The following OTOG variants were observed in gnomAD, a reference collection of about 807,000 sequenced individuals.
The protein encoded by OTOG is otogelin.
Under a neutral mutation model 313.8 loss-of-function variants are expected in OTOG, and 296 were observed. That is an observed-to-expected ratio of 0.94 (90% CI 0.86 to 1.04). The LOEUF is 1.04. Ranked by LOEUF, OTOG falls within the 50% of genes least tolerant of loss-of-function variation. The probability of loss-of-function intolerance (pLI) is 0.00; values close to 1 mark genes in which losing one functional copy is unlikely to be tolerated. For missense variants in OTOG, 3,948 were observed against 3,840.1 expected, an observed-to-expected ratio of 1.03 and a Z score of -0.74; for synonymous variants, 1,533 against 1,554.9, an observed-to-expected ratio of 0.99 and a Z score of 0.33.
In OTOG at chr11:17,576,599, G is replaced by A. The variant is rs867715728; in HGVS notation, c.2530G>A (p.Gly844Arg). Reference protein sequence around the residue: ...CHFQGVDYPPGDSDIPSLGHC... With the variant: ...CHFQGVDYPPRDSDIPSLGHC... Reference sequence around the variant, plus strand: ...CTTCCAGGGAGTGGACTATCCCCCCGGAGACAGTGACATCCCATCCCTGGG... The same window carrying A: ...CTTCCAGGGAGTGGACTATCCCCCCAGAGACAGTGACATCCCATCCCTGGG... Residue 844 changes from glycine to arginine, a missense_variant, in exon 21 of 56, where the codon GGA becomes AGA. Transcript: ENST00000399397. The A allele has an allele frequency of 2.2e-5, 34 of 1,550,376 alleles. No individual in the cohort carries two copies. The highest frequency in any genetic ancestry group is 7.8e-5 in the Admixed American group (4 of 50,976).
At chr11:17,571,148 C>G (rs939500655) in intron 17 of OTOG, among the ~76,000 whole-genome samples, 1 of 152,188 alleles carries the variant, frequency 6.6e-6, no homozygotes, top group Non-Finnish European at 1.5e-5. Flanking sequence ...AGAACAAGAA[C>G]AAAATAAAGC....
intron 31 of OTOG, among the ~76,000 whole-genome samples, chr11:17,600,673 A>G (rs1353630121): frequency 6.6e-6 from 1 of 152,166 alleles, no homozygotes; most frequent in Non-Finnish European, 1.5e-5. Context: ...ACAGCCCCAG[A>G]CCTTCAATTG....
chr11:17,550,481 G>C (rs2214944), intron 3 of OTOG, among the ~76,000 whole-genome samples: 1 of 151,978 alleles, frequency 6.6e-6, no homozygotes, highest in Non-Finnish European at 1.5e-5. Flanking sequence ...GATTAAGAGC[G>C]CCTGATTGAT....
In OTOG at chr11:17,602,380, A is replaced by G. The variant is rs1232769052; in HGVS notation, c.3877+3A>G. 1 of 1,549,324 alleles carries G rather than the reference A, an allele frequency of 6.5e-7. No homozygotes were observed. Among genetic ancestry groups the G allele is most frequent in the Non-Finnish European group, 8.7e-7 (1 of 1,146,288 alleles). On this transcript the variant is annotated splice_donor_region_variant and intron_variant, in intron 32 of 55. Transcript: ENST00000399397. ...TCTGTACAAGGCCAAGGCCCATGGT[A>G]AGGCCCATCCCAGTCCCACTCCAGC...
chr11:17,634,405 A>T, intron 44 of OTOG, 124 bp downstream of exon 44: 1 of 1,078,846 alleles, frequency 9.3e-7, no homozygotes, highest in Non-Finnish European at 1.3e-6. Context: ...GTAGGGGGTG[A>T]GCTTGGAGGA....
At chr11:17,634,803 TC>T in intron 44 of OTOG, 40 bp from the exon 45 acceptor site, 12 of 1,495,560 alleles carry the variant, frequency 8.0e-6, no homozygotes, top group South Asian at 1.2e-5. Context: ...AGTGGGGACA[TC>T]CGGCCCCGAG....
chr11:17,635,208 G>A (rs927605130), intron 46 of OTOG, 21 bp downstream of exon 46: 10 of 1,520,682 alleles, frequency 6.6e-6, no homozygotes, highest in East Asian at 4.9e-5. Flanking sequence ...GCCACCAGAC[G>A]CCAGCGCACA....
At chr11:17,614,586 C>T (rs1465095170) in intron 39 of OTOG, among the ~76,000 whole-genome samples, 2 of 152,166 alleles carry the variant, frequency 1.3e-5, no homozygotes, top group South Asian at 2.1e-4. Context: ...CCTCCTGCCT[C>T]TTCATTGTCA....
intron 30 of OTOG, among the ~76,000 whole-genome samples, chr11:17,598,503 G>A (rs1853166828): frequency 6.6e-6 from 1 of 151,968 alleles, no homozygotes; most frequent in African/African-American, 2.4e-5. Context: ...GAGATTTTTG[G>A]TAGCCCCTTA....
chr11:17,553,172 T>G lies in OTOG; in HGVS notation c.346T>G (p.Cys116Gly). 1.3e-6 allele frequency: 2 copies of G among 1,550,558 alleles called. No individual in the cohort carries two copies. Among genetic ancestry groups the G allele is most frequent in the Middle Eastern group, 1.7e-4 (1 of 5,992 alleles). The part of the protein sequence containing the change: ...GECVHPAFCD[C>G]RRFNATGPRC... ...GTGTGTGCACCCAGCCTTCTGTGAC[T>G]GCAGACGCTTCAATGCCACTGGACC... is the stretch of plus-strand genomic sequence containing the variant. Residue 116 changes from cysteine (C) to glycine (G), a missense_variant, in exon 5 of 56, where the codon TGC (cysteine) becomes GGC (glycine). Cys to Gly is a radical substitution (Grantham distance 159). Coordinates refer to ENST00000399397, the MANE Select transcript of OTOG (RefSeq NM_001292063.2).
chr11:17,559,733 G>A, intron 12 of OTOG, 71 bp downstream of exon 12: 1 of 1,219,502 alleles, frequency 8.2e-7, no homozygotes, highest in Admixed American at 2.3e-5. Context: ...CGAAACAGGA[G>A]TTCAGAAGAT....
At chr11:17,555,714 G>T (rs1053417081) in intron 6 of OTOG, 65 bp from the exon 7 acceptor site, 3 of 1,308,894 alleles carry the variant, frequency 2.3e-6, no homozygotes, top group Non-Finnish European at 3.2e-6. Context: ...ACTCAATAAG[G>T]TGTGAAGCTC....
At chr11:17,587,106 G>T (rs989524853) in intron 24 of OTOG, among the ~76,000 whole-genome samples, 3 of 152,206 alleles carry the variant, frequency 2.0e-5, no homozygotes, top group Non-Finnish European at 4.4e-5. Flanking sequence ...ATACATATTT[G>T]TATTCACATG....
At position 17,640,988 on chromosome 11, in the gene OTOG, A is replaced by G. The variant is rs752276932; in HGVS notation, c.8087A>G (p.Asp2696Gly). ...PGQTVVELSADGVCHTSRCTT... is the reference protein window; with the variant it reads ...PGQTVVELSAGGVCHTSRCTT... Reference sequence around the variant, plus strand: ...CAGACAGTGGTGGAGCTCTCAGCAGATGGCGTGTGCCACACCTCCCGCTGC... The same window carrying G: ...CAGACAGTGGTGGAGCTCTCAGCAGGTGGCGTGTGCCACACCTCCCGCTGC... Residue 2696 changes from aspartate (D) to glycine (G), a missense_variant, in exon 51 of 56, where the codon GAT (aspartate) becomes GGT (glycine). Coordinates refer to ENST00000399397, the MANE Select transcript of OTOG (RefSeq NM_001292063.2). 3 of 1,548,618 alleles carry G rather than the reference A, an allele frequency of 1.9e-6. No homozygotes were observed. Among genetic ancestry groups the G allele is most frequent in the South Asian group, 2.4e-5 (2 of 84,066 alleles).
At position 17,633,610 on chromosome 11, in the gene OTOG, T is replaced by G. The variant is rs1009038916; in HGVS notation, c.7073-70T>G. 2.1e-6 allele frequency: 3 copies of G among 1,397,216 alleles called. No homozygotes were observed. In the African/African-American group the frequency reaches 4.3e-5, roughly 20 times the overall value. The allele number at this position is 1,397,216 out of a possible 1,614,324, so 86.6% of individuals were successfully genotyped here. A position where few individuals can be genotyped will look rare whatever the true frequency, so the allele number is the denominator to read the frequency against. On this transcript the variant is annotated intron_variant, in intron 42 of 55. Transcript: ENST00000399397. ...GAGCCCTCTCCTCATCCCCTCCTGT[T>G]CTTTCGGCCCTCAGTGGGGAGCCCT...
intron 39 of OTOG, among the ~76,000 whole-genome samples, chr11:17,625,431 G>T (rs1853959964): frequency 1.3e-5 from 2 of 152,126 alleles, no homozygotes; most frequent in Admixed American, 1.3e-4. Context: ...TTTGTCTTTA[G>T]TTCTGTTTAT....
rs1190989337 is a variant in OTOG at position 17,633,730 on chromosome 11, G to A, written c.7123G>A (p.Glu2375Lys). 1 of 1,549,908 alleles carries A rather than the reference G, an allele frequency of 6.5e-7. No homozygotes were observed. Among genetic ancestry groups the A allele is most frequent in the Non-Finnish European group, 8.7e-7 (1 of 1,146,744 alleles). Reference sequence around the variant, plus strand: ...ATACCAGGCATGTGTGACAGCCTGTGAGCCACCCAAGACATGCCAGGATGG... The same window carrying A: ...ATACCAGGCATGTGTGACAGCCTGTAAGCCACCCAAGACATGCCAGGATGG... ...STYQACVTAC[E>K]PPKTCQDGIL... is the part of the protein sequence containing the mutation. The change falls in exon 43 of 56, where the codon GAG becomes AAG. Residue 2375 changes from glutamate to lysine, a missense_variant. Physicochemically the swap from Glu to Lys is moderately conservative, Grantham distance 56. Transcript: ENST00000399397.
intron 48 of OTOG, 111 bp from the exon 49 acceptor site, chr11:17,639,312 G>A (rs1184970619): frequency 1.7e-6 from 2 of 1,164,108 alleles, no homozygotes; most frequent in East Asian, 2.6e-5. Flanking sequence ...CTGGCCTGGA[G>A]CTGGGTCTTC....
chr11:17,608,224 G>A (rs1853436432), intron 33 of OTOG, 72 bp from the exon 34 acceptor site: 3 of 1,023,880 alleles, frequency 2.9e-6, no homozygotes, highest in Non-Finnish European at 4.1e-6. Context: ...AGGATGGGGG[G>A]CAGGGCTGAG....
Sources: gnomAD v4.1 joint callset for allele counts (sites outside exome capture counted in the v4.1 genomes callset) on GRCh38, gnomAD v4.1.1 for gene constraint, MANE v1.5 for transcripts, NCBI Gene and HGNC (gene_info 2026-07-23, HGNC 2026-07-21) for gene names.